CTBP2: variants seen among roughly 807,000 people sequenced by gnomAD.
CTBP2 encodes C-terminal binding protein 2.
CTBP2 carries 30 observed loss-of-function variants against 80.3 expected under a neutral mutation model. That is an observed-to-expected ratio of 0.37 (90% CI 0.28 to 0.51). The LOEUF (loss-of-function observed/expected upper bound fraction) is 0.51. CTBP2 is among the 20% of genes least tolerant of loss of function. The probability of loss-of-function intolerance (pLI) is 0.93; values close to 1 mark genes in which losing one functional copy is unlikely to be tolerated. For synonymous variants in CTBP2, 594 were observed against 587.4 expected (o/e 1.01, Z -0.16); for missense variants, 1,212 against 1,375.3 (o/e 0.88, Z 1.88).
chr10:125,150,598 G>A (rs562406466), intron 1 of CTBP2, among the ~76,000 whole-genome samples: 19 of 151,984 alleles, frequency 1.3e-4, no homozygotes, highest in African/African-American at 3.9e-4. Flanking sequence ...AATTACCTAA[G>A]CTCCCTGGCC....
At chr10:125,153,293 G>A (rs1860333143) in intron 1 of CTBP2, among the ~76,000 whole-genome samples, 1 of 152,258 alleles carries the variant, frequency 6.6e-6, no homozygotes, top group Non-Finnish European at 1.5e-5. Context: ...AGGTGGGCAG[G>A]CCTGGGAGCT....
rs971643514 is a variant in CTBP2, at chr10:125,061,862, C to T, written c.-101-22707G>A. ...CTCACGGCATCCTGGACACTGTTCC[C>T]GTCACTTTGCATGAATTCACTCATT... On this transcript the variant is annotated intron_variant, in intron 2 of 10. Transcript: ENST00000337195. Among the ~76,000 whole-genome samples, 118 of 152,148 alleles carry T rather than the reference C, an allele frequency of 7.8e-4. 7 individuals carry two copies. Among genetic ancestry groups the T allele is most frequent in the East Asian group, 3.7e-3 (19 of 5,188 alleles).
At chr10:125,126,585 A>G (rs1855293096) in intron 1 of CTBP2, among the ~76,000 whole-genome samples, 2 of 152,246 alleles carry the variant, frequency 1.3e-5, no homozygotes, top group Non-Finnish European at 2.9e-5. Flanking sequence ...CAGGCCCGTC[A>G]ATCAGGACAA....
At chr10:125,161,855 C>A, upstream of CTBP2, among the ~76,000 whole-genome samples, 1 of 152,186 alleles carries the variant, frequency 6.6e-6, no homozygotes, top group Non-Finnish European at 1.5e-5. Flanking sequence ...CCTGGGCTTG[C>A]GCGGCGGCCC....
intron 1 of CTBP2, among the ~76,000 whole-genome samples, chr10:125,023,224 G>C (rs1957225826): frequency 6.6e-6 from 1 of 152,210 alleles, no homozygotes. Context: ...AAAACGGCTG[G>C]AAGAAAATGG....
intron 2 of CTBP2, among the ~76,000 whole-genome samples, chr10:125,041,008 G>A (rs1329114627): frequency 6.6e-6 from 1 of 152,258 alleles, no homozygotes; most frequent in Non-Finnish European, 1.5e-5. Flanking sequence ...GGAGATGGAG[G>A]TTGTCATAGA....
Position 125,027,523 on chromosome 10 carries a change from C to T in CTBP2, c.237G>A (p.Val79=). 6.2e-7 allele frequency: 1 copy of T among 1,614,094 alleles called. No individual in the cohort carries two copies. The highest frequency in any genetic ancestry group is 8.5e-7 in the Non-Finnish European group (1 of 1,180,012). ...CAGGAGTAGACCCCTTTCTTGCAGC[C>T]ACTGAGTTATAAACGGCCTCCCGGT... The change falls in exon 1 of 9, where the codon GTG becomes GTA. Residue 79 remains valine, a synonymous_variant. Coordinates refer to ENST00000309035, the MANE Select transcript of CTBP2 (RefSeq NM_022802.3).
intron 1 of CTBP2, among the ~76,000 whole-genome samples, chr10:125,114,281 T>C (rs1302547875): frequency 2.0e-5 from 3 of 152,202 alleles, no homozygotes; most frequent in African/African-American, 7.2e-5. Context: ...ACAGGGGTCC[T>C]ATTTCTGGCC....
Position 125,037,569 on chromosome 10 carries a change from C to T in CTBP2, c.58+1428G>A, listed in dbSNP as rs191119568. Among the ~76,000 whole-genome samples the T allele has an allele frequency of 1.8e-4, 27 of 152,304 alleles. No individual in the cohort carries two copies. The East Asian group carries it at 5.0e-3, about 28-fold the overall frequency. ...CTGGGCTCTTCAGTAAGTCCAATGT[C>T]TCTGAAAGTCAAAAAAGCCCAGGGG... On this transcript the variant is annotated intron_variant, in intron 3 of 10. Transcript: ENST00000337195.
intron 1 of CTBP2, among the ~76,000 whole-genome samples, chr10:125,126,132 C>T (rs1396015542): frequency 1.3e-5 from 2 of 151,880 alleles, no homozygotes; most frequent in Non-Finnish European, 2.9e-5. Context: ...GGGAGAGGCC[C>T]GCTGGACACA....
At chr10:125,009,735 C>A (rs192164886) in intron 1 of CTBP2, among the ~76,000 whole-genome samples, 1 of 152,176 alleles carries the variant, frequency 6.6e-6, no homozygotes, top group South Asian at 2.1e-4. Context: ...GATGCTGGGA[C>A]GTACGCAAGT....
chr10:125,112,452 G>A (rs1333618034), intron 1 of CTBP2, among the ~76,000 whole-genome samples: 3 of 95,218 alleles, frequency 3.2e-5, no homozygotes, highest in African/African-American at 4.3e-5. Context: ...TTTTTGAGAC[G>A]TAGTCTCACT....
chr10:125,026,042 C>T, intron 1 of CTBP2: 2 of 1,533,712 alleles, frequency 1.3e-6, no homozygotes, highest in South Asian at 2.5e-5. Flanking sequence ...CCCTGCTCCC[C>T]CCAGGTCCCC....
chr10:125,017,248 A>T (rs549836155), intron 1 of CTBP2, among the ~76,000 whole-genome samples: 2 of 152,336 alleles, frequency 1.3e-5, no homozygotes, highest in East Asian at 3.9e-4. Context: ...GTGCAGGCTG[A>T]GGAGCAGGGA....
chr10:125,114,712 G>T (rs1308403587), intron 1 of CTBP2, among the ~76,000 whole-genome samples: 1 of 152,124 alleles, frequency 6.6e-6, no homozygotes, highest in Non-Finnish European at 1.5e-5. Flanking sequence ...CTTCCAGGAG[G>T]ACTGGGCCTG....
chr10:125,032,628 G>A (rs918031171), upstream of CTBP2, among the ~76,000 whole-genome samples: 9 of 152,190 alleles, frequency 5.9e-5, no homozygotes, highest in Non-Finnish European at 1.0e-4. Context: ...CCTGACCTGC[G>A]GAGCGGAGCG....
intron 1 of CTBP2, 135 bp from the exon 4 acceptor site, chr10:125,003,627 C>T: frequency 1.7e-6 from 1 of 595,744 alleles, no homozygotes; most frequent in Non-Finnish European, 2.8e-6. Flanking sequence ...GGCACCGCCT[C>T]CACCTGCATC....
intron 2 of CTBP2, among the ~76,000 whole-genome samples, chr10:125,081,880 C>G (rs1010673510): frequency 6.6e-5 from 10 of 152,006 alleles, no homozygotes; most frequent in Non-Finnish European, 1.5e-4. Context: ...AGGTCCCAGG[C>G]CTCCTTCTGT....
intron 2 of CTBP2, among the ~76,000 whole-genome samples, chr10:125,079,707 T>C (rs770490976): frequency 3.3e-5 from 5 of 152,206 alleles, no homozygotes; most frequent in Admixed American, 6.5e-5. Context: ...TCATTGACAA[T>C]AGAAGACCAA....
Sources: allele counts gnomAD v4.1 joint callset (sites outside exome capture counted in the v4.1 genomes callset), GRCh38; gene constraint gnomAD v4.1.1; transcripts MANE v1.5; gene names NCBI Gene and HGNC (gene_info 2026-07-23, HGNC 2026-07-21).